The following CNTLN variants were observed in gnomAD, a reference collection of about 807,000 sequenced individuals.
The protein encoded by CNTLN is centlein, centrosomal protein.
CNTLN carries 212 observed loss-of-function variants against 180.0 expected under a neutral mutation model. The ratio of observed to expected loss-of-function variants is 1.18; its 90% CI spans 1.05 to 1.32. The LOEUF (loss-of-function observed/expected upper bound fraction) is 1.32, where lower values mean the gene tolerates loss of function less well. CNTLN is among the 40% of genes most tolerant of loss of function. The pLI is 0.00. For missense variants in CNTLN, 2,095 were observed against 1,610.9 expected (o/e 1.30, Z -5.14); for synonymous variants, 722 against 563.1 (o/e 1.28, Z -3.99).
intron 18 of CNTLN, among the ~76,000 whole-genome samples, chr9:17,443,999 G>C (rs142826232): frequency 6.6e-6 from 1 of 152,300 alleles, no homozygotes; most frequent in East Asian, 1.9e-4. Context: ...AGAAGAGACT[G>C]TTGGACTTTA....
At chr9:17,415,349 A>G (rs1428716536) in intron 16 of CNTLN, among the ~76,000 whole-genome samples, 1 of 152,184 alleles carries the variant, frequency 6.6e-6, no homozygotes, top group Non-Finnish European at 1.5e-5. Context: ...CTATATTTTC[A>G]GAGAATAAGT....
chr9:17,209,809 G>A (rs544994614), intron 2 of CNTLN, among the ~76,000 whole-genome samples: 1 of 152,142 alleles, frequency 6.6e-6, no homozygotes, highest in South Asian at 2.1e-4. Context: ...CAAGGTTTAG[G>A]AAGAGATTGA....
At chr9:17,276,057 A>G (rs1461858384) in intron 6 of CNTLN, among the ~76,000 whole-genome samples, 1 of 152,106 alleles carries the variant, frequency 6.6e-6, no homozygotes, top group Non-Finnish European at 1.5e-5. Context: ...GGGTAACAGG[A>G]TCCATACCCC....
intron 23 of CNTLN, among the ~76,000 whole-genome samples, chr9:17,476,898 A>T (rs1034179169): frequency 6.6e-6 from 1 of 152,234 alleles, no homozygotes; most frequent in African/African-American, 2.4e-5. Context: ...ACAGCCTTCT[A>T]TTGGAAGAAG....
Position 17,409,284 on chromosome 9 carries a change from T to C in CNTLN, c.2616-9T>C. ...CTTGGATTTTATGTCCCTACTTTTT[T>C]CTAAAAAGCAGTGATTCTGAAGCAC... is the stretch of plus-strand genomic sequence containing the variant. On this transcript the variant is annotated splice_polypyrimidine_tract_variant and intron_variant, in intron 15 of 25. Coordinates refer to ENST00000380647, the MANE Select transcript of CNTLN (RefSeq NM_017738.4). 1 of 1,602,658 alleles carries C rather than the reference T, an allele frequency of 6.2e-7. No individual in the cohort carries two copies. The highest frequency in any genetic ancestry group is 8.5e-7 in the Non-Finnish European group (1 of 1,177,114).
chr9:17,323,098 T>A (rs1299881629), intron 8 of CNTLN, among the ~76,000 whole-genome samples: 1 of 152,216 alleles, frequency 6.6e-6, no homozygotes, highest in Non-Finnish European at 1.5e-5. Flanking sequence ...TTATGCCATA[T>A]GCTTTAACTG....
chr9:17,347,063 GTTC>G (rs1821956843), intron 12 of CNTLN, among the ~76,000 whole-genome samples: 1 of 152,038 alleles, frequency 6.6e-6, no homozygotes, highest in Non-Finnish European at 1.5e-5. Context: ...TTTCCATTGG[GTTC>G]TTCTTTATGT....
At chr9:17,527,701 G>A in the CNTLN span, among the ~76,000 whole-genome samples, 175 of 152,278 alleles carry the variant, frequency 1.1e-3, 1 homozygote, top group African/African-American at 3.5e-3. Context: ...AGCACACCTA[G>A]CACTCAGATT....
chr9:17,276,441 A>G (rs1828315315), intron 6 of CNTLN, among the ~76,000 whole-genome samples: 1 of 152,112 alleles, frequency 6.6e-6, no homozygotes, highest in Admixed American at 6.6e-5. Context: ...GCACTTTCTT[A>G]TTTGGATACA....
chr9:17,462,343 T>C (rs960044880), intron 19 of CNTLN, among the ~76,000 whole-genome samples: 3 of 151,738 alleles, frequency 2.0e-5, no homozygotes. Flanking sequence ...ACTGTATTCC[T>C]AGCAAGGTGA....
At chr9:17,214,662 T>G (rs963215523) in intron 2 of CNTLN, among the ~76,000 whole-genome samples, 2 of 152,226 alleles carry the variant, frequency 1.3e-5, no homozygotes, top group African/African-American at 2.4e-5. Flanking sequence ...TCCATCTTGG[T>G]TCCATTGTCC....
intron 8 of CNTLN, among the ~76,000 whole-genome samples, chr9:17,311,175 C>T (rs908992512): frequency 1.4e-4 from 21 of 151,986 alleles, no homozygotes; most frequent in African/African-American, 4.3e-4. Context: ...TAGGCGCCTG[C>T]CACCACACCT....
At chr9:17,400,826 A>G (rs1292543043) in intron 15 of CNTLN, among the ~76,000 whole-genome samples, 1 of 152,176 alleles carries the variant, frequency 6.6e-6, no homozygotes, top group East Asian at 1.9e-4. Context: ...AATATGAAAA[A>G]TTCTGCAATC....
intron 2 of CNTLN, among the ~76,000 whole-genome samples, chr9:17,151,060 G>A (rs947676523): frequency 1.3e-5 from 2 of 152,128 alleles, no homozygotes; most frequent in African/African-American, 4.8e-5. Flanking sequence ...AGACCATGGG[G>A]TTTTCTAAAT....
chr9:17,295,129 G>T (rs1295412007), intron 6 of CNTLN, among the ~76,000 whole-genome samples: 2 of 151,308 alleles, frequency 1.3e-5, no homozygotes, highest in African/African-American at 4.8e-5. Flanking sequence ...CTCTGAGTGC[G>T]GGCCGCCAAG....
intron 2 of CNTLN, among the ~76,000 whole-genome samples, chr9:17,146,349 C>G (rs1039847026): frequency 6.6e-6 from 1 of 151,968 alleles, no homozygotes; most frequent in Non-Finnish European, 1.5e-5. Flanking sequence ...GGCCTTTGTA[C>G]TTTTTGTTCC....
At chr9:17,183,470 CTT>C (rs1163690034) in intron 2 of CNTLN, among the ~76,000 whole-genome samples, 1 of 151,010 alleles carries the variant, frequency 6.6e-6, no homozygotes, top group Non-Finnish European at 1.5e-5. Flanking sequence ...TTAATGAACA[CTT>C]TTTTCTATTT....
chr9:17,302,166 T>A (rs1818414623), intron 7 of CNTLN: 2 of 948,842 alleles, frequency 2.1e-6, no homozygotes, highest in Non-Finnish European at 2.5e-6. Context: ...CTTCCTTTTA[T>A]GAAGCTATAA....
intron 3 of CNTLN, among the ~76,000 whole-genome samples, chr9:17,227,840 T>C (rs75668411): frequency 0.051 from 7,768 of 152,126 alleles, 258 homozygotes; most frequent in East Asian, 0.18. Context: ...AAATTTGTTC[T>C]GGAAAGAAAC....
Sources: gnomAD v4.1 joint callset for allele counts (sites outside exome capture counted in the v4.1 genomes callset) on GRCh38, gnomAD v4.1.1 for gene constraint, MANE v1.5 for transcripts, NCBI Gene and HGNC (gene_info 2026-07-23, HGNC 2026-07-21) for gene names.